The following ARHGEF38 variants were observed in gnomAD, a reference collection of about 807,000 sequenced individuals.
The protein encoded by ARHGEF38 is Rho guanine nucleotide exchange factor 38.
ARHGEF38 carries 79 observed loss-of-function variants against 79.9 expected under a neutral mutation model. The observed-to-expected ratio is 0.99, with a 90% confidence interval of 0.82 to 1.19. The LOEUF is 1.19. Among genes scored for constraint, ARHGEF38 ranks in the 50% most tolerant of loss-of-function variants. The probability of loss-of-function intolerance (pLI) is 0.00; values close to 1 mark genes in which losing one functional copy is unlikely to be tolerated. For missense variants in ARHGEF38, 962 were observed against 907.2 expected (o/e 1.06, Z -0.78); for synonymous variants, 366 against 328.3 (o/e 1.11, Z -1.24).
At chr4:105,612,293 G>C (rs1728327630) in intron 2 of ARHGEF38, among the ~76,000 whole-genome samples, 2 of 152,048 alleles carry the variant, frequency 1.3e-5, no homozygotes, top group South Asian at 4.2e-4. Flanking sequence ...TATATCCCTT[G>C]TTCCCAATTC....
chr4:105,660,453 G>A (rs957640515), intron 10 of ARHGEF38, among the ~76,000 whole-genome samples: 2 of 137,032 alleles, frequency 1.5e-5, no homozygotes, highest in African/African-American at 2.5e-5. Context: ...TTTTTTGGTG[G>A]GGGGGGATGG....
At chr4:105,672,617 C>A (rs2110584984) in intron 13 of ARHGEF38, among the ~76,000 whole-genome samples, 2 of 152,294 alleles carry the variant, frequency 1.3e-5, no homozygotes, top group South Asian at 4.1e-4. Context: ...CAAATTACCA[C>A]AAATTTGGTG....
At chr4:105,584,549 G>A (rs943280179) in intron 1 of ARHGEF38, among the ~76,000 whole-genome samples, 5 of 152,242 alleles carry the variant, frequency 3.3e-5, no homozygotes, top group Non-Finnish European at 7.4e-5. Flanking sequence ...CTAATAAATG[G>A]TAGTGGTGGA....
At position 105,562,379 on chromosome 4, in the gene ARHGEF38, T is replaced by C. The variant is rs144774932; in HGVS notation, c.196+9418T>C. ...GCTCAATGACTATTTATTGAATGAC[T>C]TTAAAATATCCAGTGAATAATTACA... On this transcript the variant is annotated intron_variant, in intron 1 of 13. Transcript: ENST00000420470. 2.9e-3 allele frequency among the ~76,000 whole-genome samples: 439 copies of C among 152,364 alleles called. 4 individuals carry two copies. Among genetic ancestry groups the C allele is most frequent in the African/African-American group, 9.8e-3 (409 of 41,594 alleles).
chr4:105,631,612 A>G (rs1384308370), intron 4 of ARHGEF38: 3 of 985,240 alleles, frequency 3.0e-6, no homozygotes, highest in Admixed American at 1.2e-4. Context: ...TAGAGGAAGT[A>G]TCTATTCACT....
chr4:105,596,068 C>T (rs1727563749), intron 2 of ARHGEF38, among the ~76,000 whole-genome samples: 1 of 152,160 alleles, frequency 6.6e-6, no homozygotes, highest in Non-Finnish European at 1.5e-5. Flanking sequence ...CATGCTCTCT[C>T]TCAATTCAGA....
At chr4:105,681,534 C>T (rs898655573), downstream of ARHGEF38, among the ~76,000 whole-genome samples, 3 of 152,126 alleles carry the variant, frequency 2.0e-5, no homozygotes, top group African/African-American at 7.2e-5. Flanking sequence ...AACTGTTTCT[C>T]TGATGCAGAG....
chr4:105,654,079 C>T lies in ARHGEF38; in HGVS notation c.1023C>T (p.Thr341=), dbSNP rs1459973428. 4 of 1,503,458 alleles carry T rather than the reference C, an allele frequency of 2.7e-6. No individual in the cohort carries two copies. The highest frequency in any genetic ancestry group is 2.0e-5 in the Admixed American group (1 of 49,580). 93.1% of individuals were successfully genotyped at this position (1,503,458 alleles called of 1,614,324 possible). The change falls in exon 8 of 14, where the codon ACC becomes ACT. Residue 341 remains threonine (T), a synonymous_variant. Coordinates refer to ENST00000420470, the MANE Select transcript of ARHGEF38 (RefSeq NM_001242729.2). ...ATATATTTTAGGTTAAAGACAATAC[C>T]TTTAACAGAGAAGAAAAGCTGTTTA... ...TRGESQVKDN[T]FNREEKLFRA...
At chr4:105,667,824 G>T (rs1730809880) in intron 13 of ARHGEF38, 121 bp downstream of exon 13, 3 of 1,157,074 alleles carry the variant, frequency 2.6e-6, no homozygotes, top group African/African-American at 1.6e-5. Context: ...AGGAGACCTG[G>T]CTCTATTAGC....
chr4:105,631,045 A>T lies in ARHGEF38; in HGVS notation c.656A>T (p.Lys219Met). The T allele has an allele frequency of 1.9e-6, 3 of 1,604,406 alleles. No homozygotes were observed. The highest frequency in any genetic ancestry group is 2.5e-6 in the Non-Finnish European group (3 of 1,177,092). ...TTGAGCCACTGTATCCAGTCCTTAA[A>T]GTAAGGCCTTTTCAAATGATGATTC... ...EHLSHCIQSL[K>M]KIYMQEGKPN... The change falls in exon 4 of 14, where the codon AAG (lysine) becomes ATG (methionine). Residue 219 changes from lysine (K) to methionine (M), a missense_variant and splice_region_variant. Transcript: ENST00000420470.
chr4:105,667,418 C>G (rs1035842292), intron 12 of ARHGEF38, 26 bp from the exon 13 acceptor site: 1 of 1,534,402 alleles, frequency 6.5e-7, no homozygotes, highest in South Asian at 1.2e-5. Flanking sequence ...GAACTTGGTT[C>G]TTCTTTCTTT....
At position 105,679,202 on chromosome 4, in the gene ARHGEF38, C is replaced by T. The variant is rs1731224464; in HGVS notation, c.*1265C>T. ...CGACAACCTGACTGGCCTGACCAGC[C>T]ACTCCTCTGTCTGGAATTAAAAGAT... On this transcript the variant is annotated 3_prime_UTR_variant, in exon 14 of 14. Transcript: ENST00000420470. 3.2e-6 allele frequency: 2 copies of T among 629,032 alleles called. No homozygotes were observed. Among genetic ancestry groups the T allele is most frequent in the South Asian group, 2.0e-5 (1 of 51,070 alleles). 39.0% of individuals were successfully genotyped at this position (629,032 alleles called of 1,614,324 possible). A position where few individuals can be genotyped will look rare whatever the true frequency, so the allele number is the denominator to read the frequency against.
chr4:105,659,996 C>T (rs376214153), intron 10 of ARHGEF38, among the ~76,000 whole-genome samples: 20 of 152,166 alleles, frequency 1.3e-4, no homozygotes, highest in African/African-American at 4.8e-4. Context: ...TTTCTTGGCC[C>T]TACGTTTCAA....
intron 2 of ARHGEF38, among the ~76,000 whole-genome samples, chr4:105,605,074 T>C (rs1179974426): frequency 6.6e-6 from 1 of 152,114 alleles, no homozygotes; most frequent in Non-Finnish European, 1.5e-5. Flanking sequence ...GAACATTTCA[T>C]ATAAAATTCA....
At chr4:105,663,707 C>T (rs539608470) in intron 10 of ARHGEF38, among the ~76,000 whole-genome samples, 8 of 152,270 alleles carry the variant, frequency 5.3e-5, no homozygotes, top group East Asian at 1.9e-4. Context: ...TGGTGGCTCA[C>T]GCCTGTAATC....
intron 2 of ARHGEF38, among the ~76,000 whole-genome samples, chr4:105,606,738 A>C (rs554705411): frequency 6.6e-6 from 1 of 152,202 alleles, no homozygotes; most frequent in South Asian, 2.1e-4. Context: ...ACAGATGTTC[A>C]TGTTATGTTG....
chr4:105,674,119 T>C (rs1340750507), intron 13 of ARHGEF38, among the ~76,000 whole-genome samples: 1 of 151,942 alleles, frequency 6.6e-6, no homozygotes, highest in African/African-American at 2.4e-5. Context: ...TGCACAAATA[T>C]AGAATAAGGG....
intron 2 of ARHGEF38, among the ~76,000 whole-genome samples, chr4:105,590,555 T>G (rs1727288848): frequency 1.3e-5 from 2 of 152,234 alleles, no homozygotes; most frequent in Admixed American, 1.3e-4. Context: ...TCCATAAATC[T>G]GTTACATGTA....
intron 2 of ARHGEF38, among the ~76,000 whole-genome samples, chr4:105,594,836 A>G (rs562074918): frequency 6.6e-6 from 1 of 152,332 alleles, no homozygotes; most frequent in East Asian, 1.9e-4. Flanking sequence ...TAATAGCAGC[A>G]CTGTGAGAGG....
Sources: gnomAD v4.1 joint callset for allele counts (sites outside exome capture counted in the v4.1 genomes callset) on GRCh38, gnomAD v4.1.1 for gene constraint, MANE v1.5 for transcripts, NCBI Gene and HGNC (gene_info 2026-07-23, HGNC 2026-07-21) for gene names.